The following MKLN1 variants were observed in gnomAD, a reference collection of about 807,000 sequenced individuals.
MKLN1 encodes the protein muskelin 1, also known as muskelin.
A neutral mutation model predicts 99.0 loss-of-function variants in MKLN1; 18 were observed. The observed-to-expected ratio is 0.18, with a 90% CI of 0.13 to 0.27. The LOEUF is 0.27. MKLN1 is among the 10% of genes least tolerant of loss of function. MKLN1 has a pLI of 1.00. For missense variants in MKLN1, 621 were observed against 875.9 expected, an observed-to-expected ratio of 0.71 and a Z score of 3.67; for synonymous variants, 288 against 293.2, an observed-to-expected ratio of 0.98 and a Z score of 0.18.
chr7:131,386,807 A>G (rs1048540489), intron 2 of MKLN1, among the ~76,000 whole-genome samples: 6 of 152,198 alleles, frequency 3.9e-5, no homozygotes, highest in Non-Finnish European at 8.8e-5. Flanking sequence ...TTGGTTTTGC[A>G]TAGTTTGGTT....
chr7:131,438,860 A>G (rs1795747675), intron 10 of MKLN1, among the ~76,000 whole-genome samples: 1 of 152,130 alleles, frequency 6.6e-6, no homozygotes, highest in African/African-American at 2.4e-5. Flanking sequence ...CTAAAATCTT[A>G]TCTAGGACAT....
At chr7:131,197,178 C>T (rs1796659125) in intron 2 of MKLN1, among the ~76,000 whole-genome samples, 1 of 152,020 alleles carries the variant, frequency 6.6e-6, no homozygotes, top group Non-Finnish European at 1.5e-5. Context: ...AGAGGGTAAA[C>T]TTCAGAGCAC....
At chr7:131,207,055 G>A (rs982034144) in intron 3 of MKLN1, among the ~76,000 whole-genome samples, 24 of 152,130 alleles carry the variant, frequency 1.6e-4, no homozygotes, top group African/African-American at 5.6e-4. Flanking sequence ...AGGGACAGAG[G>A]CTAAGGTTTT....
chr7:131,378,874 A>G (rs1441090443), intron 2 of MKLN1, among the ~76,000 whole-genome samples: 1 of 150,918 alleles, frequency 6.6e-6, no homozygotes, highest in Non-Finnish European at 1.5e-5. Flanking sequence ...ACGCACGCAA[A>G]GCTGGGACTT....
chr7:131,367,638 A>C (rs935522548), intron 1 of MKLN1, among the ~76,000 whole-genome samples: 2 of 152,094 alleles, frequency 1.3e-5, no homozygotes, highest in South Asian at 4.1e-4. Flanking sequence ...CTTCATTTTT[A>C]TTATGCTACT....
chr7:131,226,224 C>T (rs1233298458), intron 3 of MKLN1, among the ~76,000 whole-genome samples: 2 of 152,184 alleles, frequency 1.3e-5, no homozygotes, highest in East Asian at 1.9e-4. Flanking sequence ...ATCTCTGGCT[C>T]ACCATGGTTT....
intron 1 of MKLN1, among the ~76,000 whole-genome samples, chr7:131,362,972 CTA>C (rs1293806158): frequency 1.3e-5 from 2 of 151,772 alleles, no homozygotes; most frequent in South Asian, 2.1e-4. Context: ...AAAATATAAA[CTA>C]TTTTCTTAAT....
intron 3 of MKLN1, among the ~76,000 whole-genome samples, chr7:131,289,530 T>C (rs1357420052): frequency 6.6e-6 from 1 of 152,164 alleles, no homozygotes; most frequent in East Asian, 1.9e-4. Flanking sequence ...CAGGATCTAG[T>C]ACCCACTTGT....
chr7:131,291,178 T>A (rs1798211170), intron 3 of MKLN1, among the ~76,000 whole-genome samples: 1 of 151,446 alleles, frequency 6.6e-6, no homozygotes, highest in Non-Finnish European at 1.5e-5. Flanking sequence ...TCACCCAGGC[T>A]GGAGTTCAGT....
chr7:131,450,806 T>C (rs189536548), intron 12 of MKLN1, among the ~76,000 whole-genome samples: 195 of 152,338 alleles, frequency 1.3e-3, no homozygotes, highest in Non-Finnish European at 1.4e-3. Flanking sequence ...GTTAGAAATA[T>C]AAAAACATGT....
chr7:131,378,577 C>T (rs1793736837), intron 2 of MKLN1, among the ~76,000 whole-genome samples: 1 of 152,178 alleles, frequency 6.6e-6, no homozygotes, highest in African/African-American at 2.4e-5. Context: ...TGCCTGTAAT[C>T]CTACCACTTT....
chr7:131,444,753 GT>G lies in MKLN1; in HGVS notation c.1396-1020del, dbSNP rs1391427889. On this transcript the variant is annotated intron_variant, in intron 11 of 17. Transcript: ENST00000352689. ...AGTAGTAGTAGTAGTAGTAGTAGTA[GT>G]AGTAGAAGAAGTAGTAGTAGTAGTA... Among the ~76,000 whole-genome samples, 114 of 89,128 alleles carry G rather than the reference GT, an allele frequency of 1.3e-3. No homozygotes were observed. The Middle Eastern group carries it at 0.017, about 13-fold the overall frequency. The allele number at this position is 89,128 out of a possible 152,430, so 58.5% of individuals were successfully genotyped here.
chr7:131,476,187 T>TA (rs1796960996), intron 16 of MKLN1, among the ~76,000 whole-genome samples: 2 of 152,150 alleles, frequency 1.3e-5, no homozygotes, highest in South Asian at 2.1e-4. Context: ...GTGAAAAACA[T>TA]ACAGCTAGGG....
chr7:131,415,463 A>G (rs914290019), intron 8 of MKLN1, among the ~76,000 whole-genome samples: 11 of 152,268 alleles, frequency 7.2e-5, no homozygotes, highest in African/African-American at 2.6e-4. Flanking sequence ...AATGGTTACA[A>G]TGTAGACACT....
In MKLN1 at chr7:131,375,996, A is replaced by G. The variant is rs963433755; in HGVS notation, c.168+503A>G. Among the ~76,000 whole-genome samples the G allele has an allele frequency of 1.8e-4, 27 of 149,852 alleles. 1 individual carries two copies. Among genetic ancestry groups the G allele is most frequent in the African/African-American group, 5.4e-4 (22 of 41,024 alleles). ...TTAATATTTATAATGTATTAGGCAC[A>G]CGTATGTCCATATCCTTGAAGAAAT... On this transcript the variant is annotated intron_variant, in intron 2 of 17. Coordinates refer to ENST00000352689, the MANE Select transcript of MKLN1 (RefSeq NM_013255.5).
chr7:131,201,784 G>C (rs1796732066), intron 2 of MKLN1, among the ~76,000 whole-genome samples: 1 of 152,170 alleles, frequency 6.6e-6, no homozygotes, highest in South Asian at 2.1e-4. Flanking sequence ...TCTGACAAAT[G>C]AGTGTTGCTA....
At chr7:131,390,121 T>C (rs1349392840) in intron 4 of MKLN1, among the ~76,000 whole-genome samples, 1 of 152,196 alleles carries the variant, frequency 6.6e-6, no homozygotes, top group African/African-American at 2.4e-5. Flanking sequence ...CAAACAGTTC[T>C]GTAGGGCAAA....
intron 2 of MKLN1, among the ~76,000 whole-genome samples, chr7:131,192,637 T>G (rs35386121): frequency 0.24 from 36,194 of 150,372 alleles, 4,442 homozygotes; most frequent in South Asian, 0.27. Context: ...CACCTCCAGG[T>G]TTCAAACAAT....
chr7:131,143,733 C>T (rs1795774872), intron 2 of MKLN1, among the ~76,000 whole-genome samples: 1 of 152,070 alleles, frequency 6.6e-6, no homozygotes, highest in East Asian at 1.9e-4. Flanking sequence ...GAGGCTGAGG[C>T]AGGAGGATCA....
Sources: allele counts gnomAD v4.1 joint callset (sites outside exome capture counted in the v4.1 genomes callset), GRCh38; gene constraint gnomAD v4.1.1; transcripts MANE v1.5; gene names NCBI Gene and HGNC (gene_info 2026-07-23, HGNC 2026-07-21).